CCDC73: variants seen among roughly 807,000 people sequenced by gnomAD.
The protein encoded by CCDC73 is coiled-coil domain-containing protein 73.
Under a neutral mutation model 116.5 loss-of-function variants are expected in CCDC73, and 95 were observed. The ratio of observed to expected loss-of-function variants is 0.82; its 90% CI spans 0.69 to 0.97. CCDC73 has a LOEUF of 0.97. CCDC73 is among the 50% of genes least tolerant of loss of function. CCDC73 has a pLI of 0.00. For synonymous variants in CCDC73, 398 were observed against 401.3 expected (o/e 0.99, Z 0.10); for missense variants, 1,066 against 1,206.8 (o/e 0.88, Z 1.73).
At chr11:32,780,196 C>T (rs987875207) in intron 1 of CCDC73, among the ~76,000 whole-genome samples, 1 of 152,104 alleles carries the variant, frequency 6.6e-6, no homozygotes, top group African/African-American at 2.4e-5. Flanking sequence ...ATCACTCGAA[C>T]CCAGGAGGCA....
intron 17 of CCDC73, chr11:32,603,641 C>T (rs1855306242): frequency 6.6e-6 from 1 of 152,072 alleles, no homozygotes; most frequent in Admixed American, 6.6e-5. Context: ...CAAAATACTC[C>T]CTTTTATGGA....
At chr11:32,613,066 G>A (rs764607612) in intron 16 of CCDC73, among the ~76,000 whole-genome samples, 6 of 152,120 alleles carry the variant, frequency 3.9e-5, no homozygotes, top group South Asian at 2.1e-4. Context: ...AGGAAGAGCC[G>A]GATTTCTGGT....
Position 32,704,526 on chromosome 11 carries a change from G to A in CCDC73, c.208-1582C>T, listed in dbSNP as rs115683296. ...GCCAGAGGGCTGAGGGTGGCTCAGCGCGGGCCCACAGGTGCCCCTTGGGAT... is the reference window on the plus strand; with the variant it reads ...GCCAGAGGGCTGAGGGTGGCTCAGCACGGGCCCACAGGTGCCCCTTGGGAT... On this transcript the variant is annotated intron_variant, in intron 3 of 17. Transcript: ENST00000335185. Among the ~76,000 whole-genome samples, 1,104 of 152,302 alleles carry A rather than the reference G, an allele frequency of 7.2e-3. 17 individuals carry two copies. The highest frequency in any genetic ancestry group is 0.025 in the African/African-American group (1,060 of 41,574).
intron 9 of CCDC73, among the ~76,000 whole-genome samples, chr11:32,662,141 A>C (rs1855934961): frequency 6.6e-6 from 1 of 152,204 alleles, no homozygotes; most frequent in Non-Finnish European, 1.5e-5. Context: ...GCTGCAATAA[A>C]CATACGTGTG....
At chr11:32,822,842 A>G in the CCDC73 span, among the ~76,000 whole-genome samples, 1 of 152,188 alleles carries the variant, frequency 6.6e-6, no homozygotes, top group African/African-American at 2.4e-5. Flanking sequence ...AAAATAAGAA[A>G]AGCATATAAT....
In CCDC73 at chr11:32,614,892, A is replaced by G; in HGVS notation, c.1426T>C (p.Ser476Pro). Residue 476 changes from serine (S) to proline (P), a missense_variant, in exon 16 of 18, where the codon TCT becomes CCT. Physicochemically the swap from Ser to Pro is moderately conservative, Grantham distance 74. Transcript: ENST00000335185. ...SFKNEIDTVV[S>P]QDENQSEISL... is the part of the protein sequence containing the mutation. ...ATTTCACTTTGATTTTCATCCTGAGAAACAACAGTATCAATTTCATTCTTG... is the reference window on the plus strand; with the variant it reads ...ATTTCACTTTGATTTTCATCCTGAGGAACAACAGTATCAATTTCATTCTTG... 1 of 1,611,204 alleles carries G rather than the reference A, an allele frequency of 6.2e-7. No homozygotes were observed. The highest frequency in any genetic ancestry group is 8.5e-7 in the Non-Finnish European group (1 of 1,179,206).
rs190644763 is a variant in CCDC73 at position 32,747,119 on chromosome 11, G to A, written c.135+12990C>T. 3.9e-5 allele frequency among the ~76,000 whole-genome samples: 6 copies of A among 152,218 alleles called. No homozygotes were observed. The East Asian group carries it at 5.8e-4, about 15-fold the overall frequency. The stretch of plus-strand genomic sequence containing the variant: ...CTACGGATGGTGTTTTGGTGTGAAC[G>A]TCCTTTTTGTTGATGTTGATGCTAT... On this transcript the variant is annotated intron_variant, in intron 2 of 17. Transcript: ENST00000335185.
chr11:32,707,872 C>T (rs1333443927), intron 3 of CCDC73, among the ~76,000 whole-genome samples: 2 of 152,154 alleles, frequency 1.3e-5, no homozygotes, highest in African/African-American at 2.4e-5. Context: ...TCACCCCCAC[C>T]TCTATATAAC....
intron 1 of CCDC73, among the ~76,000 whole-genome samples, chr11:32,780,151 G>C (rs531787567): frequency 5.3e-5 from 8 of 152,062 alleles, no homozygotes; most frequent in Non-Finnish European, 1.0e-4. Flanking sequence ...GCACATGCCT[G>C]TAATCTCAGC....
intron 9 of CCDC73, among the ~76,000 whole-genome samples, chr11:32,662,760 C>T (rs1320212044): frequency 6.6e-6 from 1 of 152,116 alleles, no homozygotes; most frequent in Non-Finnish European, 1.5e-5. Flanking sequence ...GAAGTCCTTG[C>T]CCATGCCTAT....
In CCDC73 at chr11:32,602,877, T is replaced by C; in HGVS notation, c.3174A>G (p.Glu1058=). The C allele has an allele frequency of 1.2e-6, 2 of 1,612,388 alleles. No homozygotes were observed. Among genetic ancestry groups the C allele is most frequent in the Non-Finnish European group, 1.7e-6 (2 of 1,179,400 alleles). The change falls in exon 18 of 18, where the codon GAA becomes GAG. Residue 1058 remains glutamate, a synonymous_variant. Transcript: ENST00000335185. ...LNKSENLLSL[E]NDNQPKKRKA... ...TTCTTTTCTTTGGCTGGTTGTCATT[T>C]TCTAAACTTAGTAAATTTTCACTTT...
chr11:32,640,529 G>A (rs1267245467), intron 13 of CCDC73, among the ~76,000 whole-genome samples: 1 of 152,084 alleles, frequency 6.6e-6, no homozygotes, highest in Non-Finnish European at 1.5e-5. Context: ...AAGGTACATG[G>A]ATAAAATGTA....
chr11:32,695,145 G>A (rs1383403429), intron 6 of CCDC73, among the ~76,000 whole-genome samples: 1 of 152,120 alleles, frequency 6.6e-6, no homozygotes, highest in East Asian at 1.9e-4. Flanking sequence ...AAGGTGGGTG[G>A]ATCACTAGAG....
the CCDC73 span, among the ~76,000 whole-genome samples, chr11:32,805,630 T>C: frequency 1.1e-3 from 160 of 152,312 alleles, no homozygotes; most frequent in African/African-American, 3.5e-3. Context: ...TCAGATCAGA[T>C]TTATCTACCA....
the CCDC73 span, among the ~76,000 whole-genome samples, chr11:32,812,530 G>A: frequency 2.0e-5 from 3 of 152,186 alleles, no homozygotes; most frequent in African/African-American, 4.8e-5. Context: ...TCAGCCAGAT[G>A]TGGTGGTGCA....
At chr11:32,663,444 A>C (rs912129806) in intron 9 of CCDC73, among the ~76,000 whole-genome samples, 1 of 152,152 alleles carries the variant, frequency 6.6e-6, no homozygotes, top group Non-Finnish European at 1.5e-5. Context: ...CTTGCAAGCA[A>C]TTGTGAATGG....
the CCDC73 span, among the ~76,000 whole-genome samples, chr11:32,811,326 A>C: frequency 1.3e-5 from 2 of 152,142 alleles, no homozygotes; most frequent in Non-Finnish European, 2.9e-5. Flanking sequence ...CCTAATCAAG[A>C]CATTGTTTAG....
intron 14 of CCDC73, among the ~76,000 whole-genome samples, chr11:32,632,916 A>T (rs537505154): frequency 4.6e-5 from 7 of 152,346 alleles, no homozygotes; most frequent in African/African-American, 1.7e-4. Context: ...CTATGTTTCA[A>T]GCTTAAGCAG....
intron 13 of CCDC73, among the ~76,000 whole-genome samples, chr11:32,640,162 A>G (rs1855719773): frequency 6.6e-6 from 1 of 152,182 alleles, no homozygotes; most frequent in Non-Finnish European, 1.5e-5. Flanking sequence ...CTCTTATCGA[A>G]CCAAGGCAGC....
Sources: allele counts gnomAD v4.1 joint callset (sites outside exome capture counted in the v4.1 genomes callset), GRCh38; gene constraint gnomAD v4.1.1; transcripts MANE v1.5; gene names NCBI Gene and HGNC (gene_info 2026-07-23, HGNC 2026-07-21).